The following INVS variants were observed in gnomAD, a reference collection of about 807,000 sequenced individuals.
The protein encoded by INVS is inversin.
Under a neutral mutation model 108.8 loss-of-function variants are expected in INVS, and 86 were observed. That is an observed-to-expected ratio of 0.79 (90% CI 0.66 to 0.95). The LOEUF is 0.95. Ranked by LOEUF, INVS falls within the 40% of genes least tolerant of loss-of-function variation. INVS has a pLI of 0.00. For missense variants in INVS, 1,169 were observed against 1,297.4 expected, an observed-to-expected ratio of 0.90 and a Z score of 1.52; for synonymous variants, 455 against 473.5, an observed-to-expected ratio of 0.96 and a Z score of 0.51.
chr9:100,238,138 C>G (rs1255861929), intron 5 of INVS, among the ~76,000 whole-genome samples: 1 of 152,090 alleles, frequency 6.6e-6, no homozygotes, highest in Admixed American at 6.5e-5. Flanking sequence ...GTCAGCCTCC[C>G]AAAGTGCTGG....
chr9:100,265,068 G>T, intron 11 of INVS, 140 bp downstream of exon 11: 1 of 673,230 alleles, frequency 1.5e-6, no homozygotes. Flanking sequence ...TCAGCCTCCT[G>T]AGTACCTGGG....
At chr9:100,230,364 T>C (rs1305127555) in intron 5 of INVS, among the ~76,000 whole-genome samples, 1 of 152,200 alleles carries the variant, frequency 6.6e-6, no homozygotes, top group Admixed American at 6.5e-5. Flanking sequence ...TGATTTCCAT[T>C]ACCACATTTA....
chr9:100,148,786 C>T (rs1828711835), intron 3 of INVS, among the ~76,000 whole-genome samples: 1 of 152,176 alleles, frequency 6.6e-6, no homozygotes, highest in African/African-American at 2.4e-5. Flanking sequence ...CTACTTCAGT[C>T]TTTCTATAAA....
At chr9:100,116,460 G>C (rs2057476) in intron 2 of INVS, among the ~76,000 whole-genome samples, 69,275 of 151,840 alleles carry the variant, frequency 0.46, 17,263 homozygotes, top group East Asian at 0.9. Context: ...TATTTATTCT[G>C]GAATAAAAGG....
intron 2 of INVS, among the ~76,000 whole-genome samples, chr9:100,108,199 GTTA>G (rs1827236023): frequency 6.6e-6 from 1 of 152,142 alleles, no homozygotes; most frequent in Non-Finnish European, 1.5e-5. Flanking sequence ...TAATTAATGT[GTTA>G]TTATTAAAAC....
At chr9:100,244,108 A>C (rs1314510228) in intron 7 of INVS, among the ~76,000 whole-genome samples, 1 of 152,148 alleles carries the variant, frequency 6.6e-6, no homozygotes, top group Non-Finnish European at 1.5e-5. Context: ...CAGATCTCTA[A>C]AATATCTTAT....
At chr9:100,212,892 A>G (rs547704678) in intron 3 of INVS, among the ~76,000 whole-genome samples, 1 of 152,168 alleles carries the variant, frequency 6.6e-6, no homozygotes, top group South Asian at 2.1e-4. Context: ...TTGGCCTTCT[A>G]TAACAAAAAT....
chr9:100,154,129 T>A (rs1828891732), intron 3 of INVS, among the ~76,000 whole-genome samples: 1 of 152,094 alleles, frequency 6.6e-6, no homozygotes, highest in Non-Finnish European at 1.5e-5. Context: ...CAGCATTATT[T>A]GTAGTAGAGA....
chr9:100,115,960 G>T, intron 2 of INVS, among the ~76,000 whole-genome samples: 1 of 152,112 alleles, frequency 6.6e-6, no homozygotes, highest in Admixed American at 6.6e-5. Flanking sequence ...AGCACCTGTT[G>T]TTTCCTGACT....
intron 3 of INVS, among the ~76,000 whole-genome samples, chr9:100,157,282 T>TTTTTTTTTTTTA (rs1829024008): frequency 2.7e-5 from 4 of 150,036 alleles, no homozygotes; most frequent in African/African-American, 5.0e-5. Context: ...TTTTTTTTTT[T>TTTTTTTTTTTTA]GAGGCAGAGT....
chr9:100,274,216 G>C (rs1833049086), intron 12 of INVS, among the ~76,000 whole-genome samples: 1 of 152,050 alleles, frequency 6.6e-6, no homozygotes, highest in Non-Finnish European at 1.5e-5. Context: ...AAATTAGCTG[G>C]GCGTGGTGGT....
chr9:100,117,564 C>T (rs7047030), intron 2 of INVS: 108,789 of 1,062,722 alleles, frequency 0.1, 11,127 homozygotes, highest in African/African-American at 0.48. Context: ...CCGCGGAAGC[C>T]ACCGCGGTTC....
Position 100,298,412 on chromosome 9 carries a change from A to G in INVS, c.3091+402A>G, listed in dbSNP as rs551526868. ...ACACCATGAAGAGAACACTGAGAGC[A>G]TGTACAGCCCAGGCTCAGCTGTGCG... On this transcript the variant is annotated intron_variant, in intron 16 of 16. Coordinates refer to ENST00000262457, the MANE Select transcript of INVS (RefSeq NM_014425.5). 7 of 786,194 alleles carry G rather than the reference A, an allele frequency of 8.9e-6. No individual in the cohort carries two copies. In the East Asian group the frequency reaches 6.4e-4, roughly 72 times the overall value. The allele number at this position is 786,194 out of a possible 1,614,324, so 48.7% of individuals were successfully genotyped here.
At chr9:100,278,742 GT>G (rs1450330629) in intron 12 of INVS, among the ~76,000 whole-genome samples, 2 of 152,104 alleles carry the variant, frequency 1.3e-5, no homozygotes, top group African/African-American at 4.8e-5. Context: ...GTGACTCTCC[GT>G]AAGTGTAGAA....
At chr9:100,195,076 G>A (rs533787257) in intron 3 of INVS, among the ~76,000 whole-genome samples, 26 of 152,242 alleles carry the variant, frequency 1.7e-4, no homozygotes, top group African/African-American at 5.5e-4. Context: ...TCCCTGCTGC[G>A]CCTGCTACAG....
intron 3 of INVS, among the ~76,000 whole-genome samples, chr9:100,200,967 T>A (rs1369089964): frequency 6.6e-6 from 1 of 152,246 alleles, no homozygotes; most frequent in East Asian, 1.9e-4. Flanking sequence ...CATTTACTCA[T>A]GTAACAAATA....
intron 11 of INVS, among the ~76,000 whole-genome samples, chr9:100,266,269 A>G (rs1323124556): frequency 6.6e-6 from 1 of 152,186 alleles, no homozygotes; most frequent in Non-Finnish European, 1.5e-5. Flanking sequence ...TTGCACAAGA[A>G]AGAATTCAGG....
At chr9:100,227,594 T>C (rs1431920220) in intron 4 of INVS, among the ~76,000 whole-genome samples, 1 of 152,070 alleles carries the variant, frequency 6.6e-6, no homozygotes, top group Non-Finnish European at 1.5e-5. Context: ...AGTGTGAACA[T>C]TGTCAAAATC....
chr9:100,214,135 A>T (rs1014652), intron 3 of INVS, among the ~76,000 whole-genome samples: 46,229 of 152,058 alleles, frequency 0.3, 8,131 homozygotes, highest in Non-Finnish European at 0.41. Context: ...AACATCCTGT[A>T]ATATTGGTAT....
Sources: gnomAD v4.1 joint callset for allele counts (sites outside exome capture counted in the v4.1 genomes callset) on GRCh38, gnomAD v4.1.1 for gene constraint, MANE v1.5 for transcripts, NCBI Gene and HGNC (gene_info 2026-07-23, HGNC 2026-07-21) for gene names.